The following VTI1A variants were observed in gnomAD, a reference collection of about 807,000 sequenced individuals.
VTI1A encodes the protein vesicle transport through interaction with t-SNAREs homolog 1A.
Under a neutral mutation model 34.9 loss-of-function variants are expected in VTI1A, and 22 were observed. The observed-to-expected ratio is 0.63, with a 90% CI of 0.45 to 0.90. The LOEUF is 0.90. VTI1A is among the 40% of genes least tolerant of loss of function. The pLI, the probability that VTI1A is intolerant of heterozygous loss-of-function variation, is 0.00. For synonymous variants in VTI1A, 87 were observed against 97.3 expected (o/e 0.89, Z 0.62); for missense variants, 268 against 275.6 (o/e 0.97, Z 0.20).
chr10:112,518,591 A>C (rs7074687), intron 3 of VTI1A, among the ~76,000 whole-genome samples: 85 of 111,268 alleles, frequency 7.6e-4, no homozygotes, highest in East Asian at 1.5e-3. Context: ...CTCTCTCTCT[A>C]TATATATATA....
At position 112,464,595 on chromosome 10, in the gene VTI1A, G is replaced by A. The variant is rs753340923; in HGVS notation, c.202G>A (p.Gly68Arg). 3.1e-6 allele frequency: 5 copies of A among 1,612,980 alleles called. No individual in the cohort carries two copies. The highest frequency in any genetic ancestry group is 3.3e-5 in the Admixed American group (2 of 60,020). The change falls in exon 3 of 8, where the codon GGG (glycine) becomes AGG (arginine). Residue 68 changes from glycine to arginine, a missense_variant. By Grantham distance (125) the Gly-to-Arg change is moderately radical. Coordinates refer to ENST00000393077, the MANE Select transcript of VTI1A (RefSeq NM_145206.4). ...CCGAGAGATACCACCCCAAAGTCGA[G>A]GGATGTACAGCAACAGAATGAGAAG... ...EVREIPPQSR[G>R]MYSNRMRSYK...
chr10:112,464,481 C>T (rs1055638577), intron 2 of VTI1A, 66 bp from the exon 3 acceptor site: 16 of 1,406,684 alleles, frequency 1.1e-5, no homozygotes, highest in Admixed American at 7.7e-5. Context: ...TCCTTTCAGC[C>T]GTAAACATTT....
At chr10:112,478,647 A>G (rs7900925) in intron 3 of VTI1A, among the ~76,000 whole-genome samples, 97,409 of 152,050 alleles carry the variant, frequency 0.64, 32,170 homozygotes, top group Non-Finnish European at 0.71. Flanking sequence ...TTTTGTAGAA[A>G]ACATCTTAGA....
intron 4 of VTI1A, 145 bp downstream of exon 4, chr10:112,527,309 T>C: frequency 3.6e-6 from 2 of 556,230 alleles, no homozygotes; most frequent in South Asian, 3.2e-5. Context: ...GGAGTCTTAA[T>C]CAACTTCAAA....
chr10:112,828,285 T>C, the VTI1A span, among the ~76,000 whole-genome samples: 14 of 152,196 alleles, frequency 9.2e-5, no homozygotes, highest in Non-Finnish European at 1.3e-4. Context: ...CTTAATTCCA[T>C]ACTGTAGCTC....
At chr10:112,738,843 C>A (rs1850590193) in intron 7 of VTI1A, among the ~76,000 whole-genome samples, 1 of 152,096 alleles carries the variant, frequency 6.6e-6, no homozygotes, top group Non-Finnish European at 1.5e-5. Context: ...GAGGAGAAAG[C>A]CCTCATGGAA....
In VTI1A at chr10:112,744,783, C is replaced by G. The variant is rs375455023; in HGVS notation, c.561-70507C>G. Among the ~76,000 whole-genome samples the G allele has an allele frequency of 7.5e-4, 114 of 152,238 alleles. 3 individuals are homozygous for G. The South Asian group carries it at 0.022, about 30-fold the overall frequency. On this transcript the variant is annotated intron_variant, in intron 7 of 7. Transcript: ENST00000393077. ...TCGATGTTGTCCCTTAGCTGTGCAT[C>G]GACATCCCTCCCTGTCGGAGCTCTT...
intron 7 of VTI1A, among the ~76,000 whole-genome samples, chr10:112,685,302 A>G (rs1055208349): frequency 1.2e-4 from 18 of 152,000 alleles, no homozygotes; most frequent in African/African-American, 4.3e-4. Context: ...TGTATCTCTT[A>G]TGTTTGTCAT....
rs555239777 is a variant in VTI1A at position 112,480,254 on chromosome 10, A to G, written c.264+15597A>G. ...ACTAAAGAACAAATGAGGAAGCTGAAGCTAAGAACTTTCGAGCTGATGGTG... is the reference window on the plus strand; with the variant it reads ...ACTAAAGAACAAATGAGGAAGCTGAGGCTAAGAACTTTCGAGCTGATGGTG... On this transcript the variant is annotated intron_variant, in intron 3 of 7. Transcript: ENST00000393077. Among the ~76,000 whole-genome samples the G allele has an allele frequency of 2.0e-5, 3 of 152,358 alleles. No individual in the cohort carries two copies. The East Asian group carries it at 5.8e-4, about 29-fold the overall frequency.
chr10:112,666,221 A>C (rs1324981146), intron 5 of VTI1A, among the ~76,000 whole-genome samples: 1 of 152,178 alleles, frequency 6.6e-6, no homozygotes, highest in Non-Finnish European at 1.5e-5. Flanking sequence ...TTAAGGATAA[A>C]TTGTATGGGG....
At chr10:112,786,818 T>C (rs192658600) in intron 7 of VTI1A, among the ~76,000 whole-genome samples, 1 of 152,330 alleles carries the variant, frequency 6.6e-6, no homozygotes, top group East Asian at 1.9e-4. Flanking sequence ...TTTATTAATA[T>C]GTTATAGGAT....
rs372268105 is a variant in VTI1A, at chr10:112,700,135, AC to A, written c.560+31138del. ...TCCATCTCAAAAAAAAAAAAAAAAAACAAAACAAAAAAAAAAAAACACTCGG... is the reference window on the plus strand; with the variant it reads ...TCCATCTCAAAAAAAAAAAAAAAAAAAAAACAAAAAAAAAAAAACACTCGG... On this transcript the variant is annotated intron_variant, in intron 7 of 7. Transcript: ENST00000393077. Among the ~76,000 whole-genome samples, 82 of 138,522 alleles carry A rather than the reference AC, an allele frequency of 5.9e-4. 1 individual carries two copies. The highest frequency in any genetic ancestry group is 1.5e-3 in the African/African-American group (47 of 30,592). The allele number at this position is 138,522 out of a possible 152,430, so 90.9% of individuals were successfully genotyped here. A position where few individuals can be genotyped will look rare whatever the true frequency, so the allele number is the denominator to read the frequency against.
intron 5 of VTI1A, among the ~76,000 whole-genome samples, chr10:112,593,469 G>C (rs777241497): frequency 8.5e-5 from 13 of 152,206 alleles, no homozygotes; most frequent in Non-Finnish European, 1.8e-4. Context: ...TAGTTCTGAC[G>C]AAAAGCCAGC....
chr10:112,543,530 AT>A (rs964699164), intron 5 of VTI1A, among the ~76,000 whole-genome samples: 46 of 151,838 alleles, frequency 3.0e-4, no homozygotes, highest in African/African-American at 1.1e-3. Flanking sequence ...GGGTTGTTTG[AT>A]TTTTTTCTTC....
intron 5 of VTI1A, among the ~76,000 whole-genome samples, chr10:112,568,477 A>T (rs1335402883): frequency 6.6e-6 from 1 of 152,102 alleles, no homozygotes; most frequent in Non-Finnish European, 1.5e-5. Flanking sequence ...ACTGCACTAC[A>T]GCCTGGGCAA....
At chr10:112,737,498 C>G in intron 7 of VTI1A, 1 of 1,050,694 alleles carries the variant, frequency 9.5e-7, no homozygotes, top group African/African-American at 1.7e-5. Flanking sequence ...CTTCTGTTCC[C>G]TGGGATGCCT....
the VTI1A span, among the ~76,000 whole-genome samples, chr10:112,846,298 G>A: frequency 6.6e-6 from 1 of 152,332 alleles, no homozygotes; most frequent in East Asian, 1.9e-4. Flanking sequence ...TTACAGAAAT[G>A]GATACCTCAT....
intron 7 of VTI1A, among the ~76,000 whole-genome samples, chr10:112,745,216 T>C (rs935186326): frequency 6.6e-6 from 1 of 152,120 alleles, no homozygotes; most frequent in African/African-American, 2.4e-5. Context: ...TCCTCTAGCA[T>C]GGTTGATCAA....
chr10:112,478,168 T>A (rs1335042499), intron 3 of VTI1A, among the ~76,000 whole-genome samples: 1 of 152,212 alleles, frequency 6.6e-6, no homozygotes, highest in Non-Finnish European at 1.5e-5. Context: ...AATCCTATAC[T>A]TTTCTAATAT....
Sources: gnomAD v4.1 joint callset for allele counts (sites outside exome capture counted in the v4.1 genomes callset) on GRCh38, gnomAD v4.1.1 for gene constraint, MANE v1.5 for transcripts, NCBI Gene and HGNC (gene_info 2026-07-23, HGNC 2026-07-21) for gene names.